Variants in ADGRL3 observed in about 807,000 individuals in gnomAD.
ADGRL3 encodes the protein calcium-independent alpha-latrotoxin receptor 3.
A neutral mutation model predicts 153.5 loss-of-function variants in ADGRL3; 62 were observed. That is an observed-to-expected ratio of 0.40 (90% CI 0.33 to 0.50). The LOEUF (loss-of-function observed/expected upper bound fraction) is 0.50. Ranked by LOEUF, ADGRL3 falls within the 20% of genes least tolerant of loss-of-function variation. ADGRL3 has a pLI of 0.47. For synonymous variants in ADGRL3, 710 were observed against 672.5 expected, an observed-to-expected ratio of 1.06 and a Z score of -0.86; for missense variants, 1,641 against 1,859.4, an observed-to-expected ratio of 0.88 and a Z score of 2.16.
At chr4:61,460,097 T>C (rs538272348) in intron 2 of ADGRL3, among the ~76,000 whole-genome samples, 1 of 152,264 alleles carries the variant, frequency 6.6e-6, no homozygotes, top group South Asian at 2.1e-4. Context: ...CTCTTTTGTC[T>C]GTTTTTGTTT....
chr4:61,754,741 G>C (rs979738326), intron 8 of ADGRL3, among the ~76,000 whole-genome samples: 1 of 152,054 alleles, frequency 6.6e-6, no homozygotes, highest in Non-Finnish European at 1.5e-5. Flanking sequence ...TTAACCTTAG[G>C]TATATCTCCT....
Position 61,957,545 on chromosome 4 carries a change from TTATG to T in ADGRL3, c.2805+9273_2805+9276del, listed in dbSNP as rs1170391921. On this transcript the variant is annotated intron_variant, in intron 17 of 26. Transcript: ENST00000683033. ...ACATTTTTTTCTCTCTTGGTTACAT[TTATG>T]TATTTATTTATTTATTTATTTATTT... Among the ~76,000 whole-genome samples the T allele has an allele frequency of 9.8e-5, 12 of 122,926 alleles. No individual in the cohort carries two copies. In the East Asian group the frequency reaches 3.0e-3, roughly 31 times the overall value. 80.6% of individuals were successfully genotyped at this position (122,926 alleles called of 152,430 possible).
At chr4:61,707,270 A>C (rs2095872490) in intron 6 of ADGRL3, among the ~76,000 whole-genome samples, 1 of 152,226 alleles carries the variant, frequency 6.6e-6, no homozygotes, top group Admixed American at 6.5e-5. Context: ...TATTGCAAGA[A>C]TTACCAAAAT....
intron 9 of ADGRL3, among the ~76,000 whole-genome samples, chr4:61,832,731 G>A (rs1261772735): frequency 6.6e-6 from 1 of 151,912 alleles, no homozygotes; most frequent in Non-Finnish European, 1.5e-5. Context: ...AACCTTGTTG[G>A]AAAACCTGAA....
At chr4:61,971,269 T>A (rs1464600904) in intron 17 of ADGRL3, among the ~76,000 whole-genome samples, 1 of 151,922 alleles carries the variant, frequency 6.6e-6, no homozygotes, top group Admixed American at 6.6e-5. Context: ...AACTCGTCAT[T>A]TAGCATTAGG....
At chr4:61,830,453 A>C (rs771977441) in intron 9 of ADGRL3, among the ~76,000 whole-genome samples, 1 of 152,318 alleles carries the variant, frequency 6.6e-6, no homozygotes, top group Non-Finnish European at 1.5e-5. Context: ...TCTTCTTTGG[A>C]CATAACAACA....
intron 21 of ADGRL3, among the ~76,000 whole-genome samples, chr4:62,025,887 A>C (rs867990756): frequency 6.6e-6 from 1 of 152,158 alleles, no homozygotes; most frequent in South Asian, 2.1e-4. Flanking sequence ...AATAAAAATT[A>C]TTCAGCTATA....
intron 9 of ADGRL3, among the ~76,000 whole-genome samples, chr4:61,886,678 G>A (rs1367054548): frequency 2.6e-5 from 4 of 151,978 alleles, no homozygotes; most frequent in Non-Finnish European, 5.9e-5. Flanking sequence ...GTCTCACTCT[G>A]TCGCCCAGGC....
chr4:61,600,962 A>G (rs891619331), intron 5 of ADGRL3, among the ~76,000 whole-genome samples: 1 of 152,170 alleles, frequency 6.6e-6, no homozygotes, highest in East Asian at 1.9e-4. Context: ...ATGCAGTTTA[A>G]CCTTCAAAAT....
chr4:61,201,878 T>TCCACTCACACACTCGCCCTC (rs1734811389), intron 1 of ADGRL3, 113 bp downstream of exon 1: 1 of 152,460 alleles, frequency 6.6e-6, no homozygotes, highest in Non-Finnish European at 1.5e-5. Flanking sequence ...CACTCGCCCT[T>TCCACTCACACACTCGCCCTC]CCACTCACAC....
At chr4:61,954,695 C>T (rs1447145502) in intron 17 of ADGRL3, among the ~76,000 whole-genome samples, 2 of 152,054 alleles carry the variant, frequency 1.3e-5, no homozygotes, top group African/African-American at 4.8e-5. Context: ...CTAGTTAGAC[C>T]TAAGTGTCTT....
intron 8 of ADGRL3, among the ~76,000 whole-genome samples, chr4:61,753,175 G>C (rs548879803): frequency 6.9e-6 from 1 of 145,040 alleles, no homozygotes; most frequent in Non-Finnish European, 1.5e-5. Flanking sequence ...TCCCCTCCCC[G>C]AACTCCTCTA....
chr4:61,420,561 C>T (rs2097193353), intron 2 of ADGRL3: 1 of 151,690 alleles, frequency 6.6e-6, no homozygotes, highest in Non-Finnish European at 1.5e-5. Flanking sequence ...CGCCCGCCAC[C>T]ACGTCCGGCT....
At chr4:61,695,302 T>C (rs551756956) in intron 6 of ADGRL3, among the ~76,000 whole-genome samples, 1 of 152,256 alleles carries the variant, frequency 6.6e-6, no homozygotes, top group Non-Finnish European at 1.5e-5. Flanking sequence ...CTTTGGTCCA[T>C]GGGCTACAGA....
In ADGRL3 at chr4:61,948,209, C is replaced by G; in HGVS notation, c.2738C>G (p.Thr913Arg). 6.2e-7 allele frequency: 1 copy of G among 1,613,820 alleles called. No individual in the cohort carries two copies. Among genetic ancestry groups the G allele is most frequent in the East Asian group, 2.2e-5 (1 of 44,856 alleles). The change falls in exon 17 of 27, where the codon ACA (threonine) becomes AGA (arginine). Residue 913 changes from threonine to arginine, a missense_variant. Coordinates refer to ENST00000683033, the MANE Select transcript of ADGRL3 (RefSeq NM_001387552.1). ...QGCRLLTTNKTHTTCSCNHLT... is the reference protein window; with the variant it reads ...QGCRLLTTNKRHTTCSCNHLT... ...TGTCGGCTCCTGACAACAAATAAGA[C>G]ACATACTACATGCTCTTGTAACCAC... is the stretch of plus-strand genomic sequence containing the variant.
chr4:61,541,864 C>G (rs2098691955), intron 4 of ADGRL3, among the ~76,000 whole-genome samples: 2 of 151,670 alleles, frequency 1.3e-5, no homozygotes, highest in South Asian at 4.2e-4. Context: ...CACACACACA[C>G]ACACACACAC....
At chr4:61,508,616 G>T (rs1048060681) in intron 3 of ADGRL3, among the ~76,000 whole-genome samples, 1 of 152,044 alleles carries the variant, frequency 6.6e-6, no homozygotes, top group Non-Finnish European at 1.5e-5. Context: ...TAGATTCAGG[G>T]GGTAAATGTA....
intron 5 of ADGRL3, among the ~76,000 whole-genome samples, chr4:61,618,847 G>A (rs2092279215): frequency 1.3e-5 from 2 of 152,224 alleles, no homozygotes; most frequent in South Asian, 4.2e-4. Context: ...CACTTAAGTA[G>A]TTGTGACTAC....
intron 1 of ADGRL3, among the ~76,000 whole-genome samples, chr4:61,252,085 G>A (rs1228466974): frequency 6.6e-6 from 1 of 151,952 alleles, no homozygotes. Flanking sequence ...GTTTTGCCAT[G>A]TTGGCCAGGC....
Sources: gnomAD v4.1 joint callset for allele counts (sites outside exome capture counted in the v4.1 genomes callset) on GRCh38, gnomAD v4.1.1 for gene constraint, MANE v1.5 for transcripts, NCBI Gene and HGNC (gene_info 2026-07-23, HGNC 2026-07-21) for gene names.